The following PDXDC1 variants were observed in gnomAD, a reference collection of about 807,000 sequenced individuals.
PDXDC1 encodes pyridoxal dependent decarboxylase domain containing 1, also known as pyridoxal-dependent decarboxylase domain-containing protein 1.
PDXDC1 carries 42 observed loss-of-function variants against 100.1 expected under a neutral mutation model. That is an observed-to-expected ratio of 0.42 (90% CI 0.33 to 0.54). The LOEUF (loss-of-function observed/expected upper bound fraction) is 0.54. PDXDC1 is among the 20% of genes least tolerant of loss of function. PDXDC1 has a pLI of 0.10. For synonymous variants in PDXDC1, 260 were observed against 371.7 expected (o/e 0.70, Z 3.46); for missense variants, 636 against 979.2 (o/e 0.65, Z 4.68).
chr16:15,143,329 G>A (rs1343350247), downstream of PDXDC1, among the ~76,000 whole-genome samples: 1 of 152,166 alleles, frequency 6.6e-6, no homozygotes, highest in African/African-American at 2.4e-5. Flanking sequence ...ACAGCAGAGG[G>A]TGTGGCCAGG....
At chr16:14,998,921 A>G (rs8052500) in intron 3 of PDXDC1, among the ~76,000 whole-genome samples, 953 of 151,894 alleles carry the variant, frequency 6.3e-3, no homozygotes, top group African/African-American at 0.02. Flanking sequence ...TCCCTCTCCC[A>G]TTTGGAATTT....
chr16:15,026,542 C>G, intron 13 of PDXDC1, 101 bp from the exon 14 acceptor site: 2 of 933,718 alleles, frequency 2.1e-6, no homozygotes, highest in Non-Finnish European at 3.3e-6. Flanking sequence ...TGTTTATTTA[C>G]AAATAGAGCA....
intron 16 of PDXDC1, chr16:15,085,766 A>T: frequency 6.2e-7 from 1 of 1,600,982 alleles, no homozygotes; most frequent in Non-Finnish European, 8.5e-7. Flanking sequence ...ATACAAAAAA[A>T]GTTACTGACC....
chr16:15,072,900 T>G, intron 16 of PDXDC1: 1 of 1,595,780 alleles, frequency 6.3e-7, no homozygotes, highest in Middle Eastern at 1.7e-4. Flanking sequence ...GGAAAATTTT[T>G]GGGCAAAAAC....
intron 16 of PDXDC1, among the ~76,000 whole-genome samples, chr16:15,086,896 G>A (rs2045934121): frequency 6.6e-6 from 1 of 152,170 alleles, no homozygotes; most frequent in African/African-American, 2.4e-5. Context: ...TTGGGGTCAT[G>A]AATAAACATA....
At chr16:15,014,085 T>C (rs1446994682) in intron 8 of PDXDC1, among the ~76,000 whole-genome samples, 2 of 152,142 alleles carry the variant, frequency 1.3e-5, no homozygotes, top group African/African-American at 4.8e-5. Context: ...CAGGCACCTG[T>C]AATCCCAGCT....
At chr16:15,081,295 A>G (rs2045693333) in intron 16 of PDXDC1, among the ~76,000 whole-genome samples, 1 of 152,194 alleles carries the variant, frequency 6.6e-6, no homozygotes, top group Admixed American at 6.5e-5. Flanking sequence ...ATGCCAGGCT[A>G]TTTTCCAAAA....
chr16:14,996,146 C>A (rs1226133855), intron 1 of PDXDC1, among the ~76,000 whole-genome samples: 1 of 152,290 alleles, frequency 6.6e-6, no homozygotes, highest in Admixed American at 6.5e-5. Flanking sequence ...CCTTAAAGCT[C>A]AGGAGAACAC....
chr16:15,123,291 C>G (rs1387745589), intron 16 of PDXDC1: 2 of 1,468,104 alleles, frequency 1.4e-6, no homozygotes, highest in Non-Finnish European at 1.8e-6. Context: ...CTTCACAAAC[C>G]TGATTTCTGG....
chr16:14,981,947 G>A (rs1254556044), intron 1 of PDXDC1, among the ~76,000 whole-genome samples: 1 of 152,176 alleles, frequency 6.6e-6, no homozygotes, highest in Non-Finnish European at 1.5e-5. Context: ...TCCTGTCTTA[G>A]CCTCCTGAGT....
At chr16:15,067,807 G>T (rs1248815595) in intron 16 of PDXDC1, among the ~76,000 whole-genome samples, 5 of 152,164 alleles carry the variant, frequency 3.3e-5, no homozygotes, top group Non-Finnish European at 1.5e-5. Context: ...GCCCAGACTG[G>T]AGTGCAGTGG....
At chr16:15,104,813 T>C in intron 16 of PDXDC1, 1 of 1,532,482 alleles carries the variant, frequency 6.5e-7, no homozygotes, top group Non-Finnish European at 8.7e-7. Context: ...TGGACAAAAT[T>C]ACCGCCACCA....
intron 16 of PDXDC1, among the ~76,000 whole-genome samples, chr16:15,050,209 T>C (rs905155629): frequency 6.6e-6 from 1 of 152,026 alleles, no homozygotes; most frequent in Non-Finnish European, 1.5e-5. Context: ...AATTCAGTGG[T>C]TATTTAACAA....
At chr16:15,137,660 C>A (rs564155573) in intron 16 of PDXDC1, 176 of 1,261,296 alleles carry the variant, frequency 1.4e-4, no homozygotes, top group Middle Eastern at 2.6e-4. Context: ...AGCCCCCCCC[C>A]AGAGAGGCCT....
chr16:15,094,543 A>G, intron 16 of PDXDC1: 1 of 468,888 alleles, frequency 2.1e-6, no homozygotes, highest in Non-Finnish European at 3.8e-6. Context: ...GTGGCCGGGT[A>G]CACTCAAGTG....
chr16:15,047,291 G>C, intron 16 of PDXDC1: 1 of 631,982 alleles, frequency 1.6e-6, no homozygotes, highest in South Asian at 1.9e-5. Flanking sequence ...TGCTGACGCA[G>C]TGCCCACGTC....
chr16:14,984,881 T>G (rs1362258304), intron 1 of PDXDC1, among the ~76,000 whole-genome samples: 1 of 152,248 alleles, frequency 6.6e-6, no homozygotes, highest in Non-Finnish European at 1.5e-5. Flanking sequence ...ATGAAATTTT[T>G]TTTTTTCCCC....
intron 16 of PDXDC1, chr16:15,073,141 A>G (rs1467541958): frequency 1.3e-6 from 2 of 1,550,276 alleles, no homozygotes; most frequent in East Asian, 2.2e-5. Context: ...TTCATCTGCC[A>G]TATTTTTTAT....
chr16:15,088,115 T>C (rs1297070268), intron 16 of PDXDC1, among the ~76,000 whole-genome samples: 1 of 150,844 alleles, frequency 6.6e-6, no homozygotes, highest in East Asian at 1.9e-4. Context: ...AAACTCCGTC[T>C]CAAAAAGAAA....
Sources: gnomAD v4.1 joint callset for allele counts (sites outside exome capture counted in the v4.1 genomes callset) on GRCh38, gnomAD v4.1.1 for gene constraint, MANE v1.5 for transcripts, NCBI Gene and HGNC (gene_info 2026-07-23, HGNC 2026-07-21) for gene names.